The following ABCC10 variants were observed in gnomAD, a reference collection of about 807,000 sequenced individuals.
ABCC10 encodes the protein ATP-binding cassette sub-family C member 10.
A neutral mutation model predicts 143.2 loss-of-function variants in ABCC10; 110 were observed. The observed-to-expected ratio is 0.77, with a 90% CI of 0.66 to 0.90. The LOEUF is 0.90. ABCC10 is among the 40% of genes least tolerant of loss of function. ABCC10 has a pLI of 0.00. For missense variants in ABCC10, 1,700 were observed against 1,900.5 expected, an observed-to-expected ratio of 0.89 and a Z score of 1.96; for synonymous variants, 805 against 846.7, an observed-to-expected ratio of 0.95 and a Z score of 0.85.
At position 43,444,250 on chromosome 6, in the gene ABCC10, C is replaced by T. The variant is rs768775692; in HGVS notation, c.2586C>T (p.Ser862=). Residue 862 remains serine, a synonymous_variant, in exon 12 of 22, where the codon AGC becomes AGT. Transcript: ENST00000372530. The part of the protein sequence containing the change: ...STSGRLLQEE[S]KKEGAVALHV... ...CTGGTCGCCTGCTGCAGGAAGAAAG[C>T]AAGAAGGAGGGCGCCGTGGCCTTGC... 5 of 1,614,040 alleles carry T rather than the reference C, an allele frequency of 3.1e-6. No individual in the cohort carries two copies. The South Asian group carries it at 4.4e-5, about 14-fold the overall frequency.
rs988985931 is a variant in ABCC10, at chr6:43,445,201, A to T, written c.2917A>T (p.Thr973Ser). 2 of 1,613,846 alleles carry T rather than the reference A, an allele frequency of 1.2e-6. No homozygotes were observed. The highest frequency in any genetic ancestry group is 2.7e-5 in the African/African-American group (2 of 74,844). The change falls in exon 14 of 22, where the codon ACC becomes TCC. Residue 973 changes from threonine to serine, a missense_variant. By Grantham distance (58) the Thr-to-Ser change is moderately conservative. Transcript: ENST00000372530. ...DIRFYLTVYATIAGVNSLCTL... is the reference protein window; with the variant it reads ...DIRFYLTVYASIAGVNSLCTL... ...CCGTTTCTACCTCACCGTGTATGCG[A>T]CCATTGCTGGTGTAAATTCCCTCTG...
chr6:43,428,855 T>G (rs956552566), intron 2 of ABCC10, among the ~76,000 whole-genome samples: 9 of 151,168 alleles, frequency 6.0e-5, no homozygotes, highest in Non-Finnish European at 1.2e-4. Context: ...CTCATTAGAC[T>G]GAGTTCCCAA....
chr6:43,437,865 A>C (rs1781922223), intron 6 of ABCC10, 69 bp from the exon 7 acceptor site: 2 of 1,510,200 alleles, frequency 1.3e-6, no homozygotes, highest in Non-Finnish European at 1.8e-6. Context: ...CAGAGTGTCA[A>C]GAGGGAGACC....
rs1391052320 is a variant in ABCC10 at position 43,443,165 on chromosome 6, G to T, written c.2416+6G>T. ...CGGGCGCCTCATCCGGGCTGGTAAT[G>T]GGGGCAGGAGCCCCGTGTGAGGGAG... On this transcript the variant is annotated splice_donor_region_variant and intron_variant, in intron 10 of 21. Transcript: ENST00000372530. This position sits in a 1 kb window ranked among gnomAD's most constrained non-coding sequence, Gnocchi z 4.2. 24 of 1,587,140 alleles carry T rather than the reference G, an allele frequency of 1.5e-5. No homozygotes were observed. Among genetic ancestry groups the T allele is most frequent in the Non-Finnish European group, 1.7e-5 (20 of 1,172,568 alleles).
At chr6:43,441,679 C>G (rs115472780) in intron 8 of ABCC10, among the ~76,000 whole-genome samples, 183 bp from the exon 9 acceptor site, 3,003 of 152,246 alleles carry the variant, frequency 0.02, 97 homozygotes, top group African/African-American at 0.067. Flanking sequence ...ACATAGTGTT[C>G]AATAAGTGCT....
In ABCC10 at chr6:43,443,599, G is replaced by GA. The variant is rs1276087151; in HGVS notation, c.2417-329dup. On this transcript the variant is annotated intron_variant, in intron 10 of 21. Transcript: ENST00000372530. This position sits in a 1 kb window ranked among gnomAD's most constrained non-coding sequence, Gnocchi z 4.2. ...ATATTAGGAATTGAGCGAAGCATGA[G>GA]AAAAAGCTCTGCAGTAATGAGAAGT... 10 of 301,300 alleles carry GA rather than the reference G, an allele frequency of 3.3e-5. No individual in the cohort carries two copies. Among genetic ancestry groups the GA allele is most frequent in the Non-Finnish European group, 5.6e-5 (9 of 162,078 alleles). 18.7% of individuals were successfully genotyped at this position (301,300 alleles called of 1,614,324 possible).
chr6:43,429,372 T>TTGTGTGTGTGTGTGTGTGTG (rs1201780354), intron 2 of ABCC10, among the ~76,000 whole-genome samples: 8 of 98,240 alleles, frequency 8.1e-5, no homozygotes, highest in African/African-American at 2.1e-4. Flanking sequence ...CTTTTCTTTC[T>TTGTGTGTGTGTGTGTGTGTG]TGTGTGTGTG....
chr6:43,449,509 A>G lies in ABCC10; in HGVS notation c.4291A>G (p.Lys1431Glu). ...QQTICKRFAN[K>E]TVLTIAHRLN... is the part of the protein sequence containing the mutation. Reference sequence around the variant, plus strand: ...GACCATCTGCAAACGCTTTGCCAACAAGACAGTGCTGACCATTGCCCATAG... The same window carrying G: ...GACCATCTGCAAACGCTTTGCCAACGAGACAGTGCTGACCATTGCCCATAG... Residue 1431 changes from lysine to glutamate, a missense_variant, in exon 21 of 22, where the codon AAG becomes GAG. Physicochemically the swap from Lys to Glu is moderately conservative, Grantham distance 56 (BLOSUM62 1). Coordinates refer to ENST00000372530, the MANE Select transcript of ABCC10 (RefSeq NM_001198934.2). The G allele has an allele frequency of 6.2e-7, 1 of 1,614,018 alleles. No individual in the cohort carries two copies. The highest frequency in any genetic ancestry group is 1.3e-5 in the African/African-American group (1 of 75,040).
chr6:43,439,396 A>T (rs113689476), intron 8 of ABCC10, among the ~76,000 whole-genome samples: 2,119 of 125,282 alleles, frequency 0.017, 41 homozygotes, highest in African/African-American at 0.053. Flanking sequence ...TACTTTTTTA[A>T]AATTGATTAA....
rs146425633 is a variant in ABCC10 at position 43,449,156 on chromosome 6, G to C, written c.4155G>C (p.Gly1385=). ...AGGGGGGCCGGAGCTTATCTCTTGG[G>C]CAGAGGCAGCTGTTGTGTTTGGCCA... ...LGEGGRSLSL[G]QRQLLCLARA... Residue 1385 remains glycine, a synonymous_variant, in exon 20 of 22, where the codon GGG becomes GGC. Transcript: ENST00000372530. 3 of 1,614,180 alleles carry C rather than the reference G, an allele frequency of 1.9e-6. No homozygotes were observed. The African/African-American group carries it at 4.0e-5, about 22-fold the overall frequency.
chr6:43,448,212 T>A, intron 18 of ABCC10: 1 of 555,592 alleles, frequency 1.8e-6, no homozygotes, highest in Non-Finnish European at 3.3e-6. Context: ...TCCACTCTTG[T>A]GCCCCAAGAT....
At chr6:43,451,339 A>G, downstream of ABCC10, 1 of 1,555,028 alleles carries the variant, frequency 6.4e-7, no homozygotes, top group African/African-American at 1.4e-5. This position sits in a 1 kb window ranked among gnomAD's most constrained non-coding sequence, Gnocchi z 4.4. Flanking sequence ...AGCCCAGGTC[A>G]GTATCCTGAC....
intron 2 of ABCC10, among the ~76,000 whole-genome samples, chr6:43,430,404 C>G (rs1780999712): frequency 6.6e-6 from 1 of 152,090 alleles, no homozygotes. Flanking sequence ...AAATAGAATT[C>G]TTAAAGGCTG....
At position 43,447,862 on chromosome 6, in the gene ABCC10, G is replaced by A. The variant is rs368076897; in HGVS notation, c.3884G>A (p.Arg1295Gln). ...GKSSLLLVLF[R>Q]LLEPSSGRVL... ...TCTTCCCTGTTGTTGGTGCTCTTCCGGCTGCTAGAGCCCAGTTCAGGGCGA... is the reference window on the plus strand; with the variant it reads ...TCTTCCCTGTTGTTGGTGCTCTTCCAGCTGCTAGAGCCCAGTTCAGGGCGA... The change falls in exon 18 of 22, where the codon CGG becomes CAG. Residue 1295 changes from arginine (R) to glutamine (Q), a missense_variant. By Grantham distance (43) the Arg-to-Gln change is conservative (BLOSUM62 1). Transcript: ENST00000372530. The A allele has an allele frequency of 7.4e-6, 12 of 1,613,762 alleles. No homozygotes were observed. Among genetic ancestry groups the A allele is most frequent in the East Asian group, 2.2e-5 (1 of 44,898 alleles).
chr6:43,438,343 A>G (rs1781974633), intron 7 of ABCC10: 1 of 1,414,226 alleles, frequency 7.1e-7, no homozygotes, highest in South Asian at 1.6e-5. Flanking sequence ...TCAGATGGGA[A>G]CAAGTACAAT....
At chr6:43,436,083 C>A (rs774178630) in intron 5 of ABCC10, 55 bp from the exon 6 acceptor site, 1 of 1,613,286 alleles carries the variant, frequency 6.2e-7, no homozygotes, top group South Asian at 1.1e-5. Context: ...GATTTACCCT[C>A]CCCAAACAGA....
chr6:43,436,105 T>A lies in ABCC10; in HGVS notation c.1766-33T>A, dbSNP rs760205166. 38 of 1,613,828 alleles carry A rather than the reference T, an allele frequency of 2.4e-5. 1 individual carries two copies. The South Asian group carries it at 3.6e-4, about 15-fold the overall frequency. On this transcript the variant is annotated intron_variant, in intron 5 of 21. Coordinates refer to ENST00000372530, the MANE Select transcript of ABCC10 (RefSeq NM_001198934.2). ...CCTCCCCAAACAGATTGTGGTAGAT[T>A]AGGAGCCCAAATCAAGTGGCTTCTC...
downstream of ABCC10, chr6:43,451,962 C>G: frequency 6.2e-7 from 1 of 1,614,176 alleles, no homozygotes; most frequent in Non-Finnish European, 8.5e-7. This position sits in a 1 kb window ranked among gnomAD's most constrained non-coding sequence, Gnocchi z 4.4. Flanking sequence ...CAGGGTCCAG[C>G]CTTGCGCTCG....
chr6:43,432,055 TAGGTA>T, intron 2 of ABCC10, 82 bp from the exon 3 acceptor site: 1 of 1,545,812 alleles, frequency 6.5e-7, no homozygotes, highest in Non-Finnish European at 8.7e-7. Context: ...GTTGATTCCT[TAGGTA>T]AGTGAATTAT....
Sources: gnomAD v4.1 joint callset for allele counts (sites outside exome capture counted in the v4.1 genomes callset) on GRCh38, gnomAD v4.1.1 for gene constraint, Gnocchi (gnomAD v3.1) non-coding constraint, MANE v1.5 for transcripts, NCBI Gene and HGNC (gene_info 2026-07-23, HGNC 2026-07-21) for gene names.